The following CTNNA3 variants were observed in gnomAD, a reference collection of about 807,000 sequenced individuals.
The protein encoded by CTNNA3 is catenin alpha 3.
Under a neutral mutation model 95.7 loss-of-function variants are expected in CTNNA3, and 76 were observed. That is an observed-to-expected ratio of 0.79 (90% CI 0.66 to 0.96). The LOEUF (loss-of-function observed/expected upper bound fraction) is 0.96, where lower values mean the gene tolerates loss of function less well. Among genes scored for constraint, CTNNA3 ranks in the 40% least tolerant of loss-of-function variants. The pLI, the probability that CTNNA3 is intolerant of heterozygous loss-of-function variation, is 0.00. For missense variants in CTNNA3, 1,191 were observed against 1,089.8 expected, an observed-to-expected ratio of 1.09 and a Z score of -1.31; for synonymous variants, 431 against 374.4, an observed-to-expected ratio of 1.15 and a Z score of -1.74.
intron 17 of CTNNA3, among the ~76,000 whole-genome samples, chr10:65,945,575 T>C (rs553107721): frequency 6.6e-6 from 1 of 152,246 alleles, no homozygotes; most frequent in African/African-American, 2.4e-5. Flanking sequence ...TTTATAGAAA[T>C]AGACAGATTT....
chr10:66,851,548 G>C (rs974136987), intron 7 of CTNNA3, among the ~76,000 whole-genome samples: 1 of 151,758 alleles, frequency 6.6e-6, no homozygotes, highest in Non-Finnish European at 1.5e-5. Flanking sequence ...CATCCGCGTG[G>C]TGCTCTACTC....
intron 6 of CTNNA3, among the ~76,000 whole-genome samples, chr10:67,205,274 T>C (rs1863843747): frequency 1.3e-5 from 2 of 152,144 alleles, no homozygotes; most frequent in African/African-American, 2.4e-5. Context: ...TCATGTTTTA[T>C]TTTTTGCAAA....
chr10:66,232,159 T>C (rs1051983133), intron 13 of CTNNA3, among the ~76,000 whole-genome samples: 2 of 152,186 alleles, frequency 1.3e-5, no homozygotes, highest in African/African-American at 2.4e-5. Context: ...TCAGTCTAGT[T>C]CGACTTTGAG....
chr10:66,965,278 T>A (rs1849337948), intron 7 of CTNNA3, among the ~76,000 whole-genome samples: 1 of 152,136 alleles, frequency 6.6e-6, no homozygotes, highest in Non-Finnish European at 1.5e-5. Context: ...GGCTCATGCC[T>A]GTAATCTCAA....
intron 7 of CTNNA3, among the ~76,000 whole-genome samples, chr10:67,084,468 A>T (rs1004612552): frequency 2.6e-5 from 4 of 151,906 alleles, no homozygotes; most frequent in Non-Finnish European, 5.9e-5. Flanking sequence ...TATTAATTTA[A>T]ATATTGTTTA....
intron 7 of CTNNA3, among the ~76,000 whole-genome samples, chr10:66,846,944 A>G (rs1733987900): frequency 6.6e-6 from 1 of 152,176 alleles, no homozygotes; most frequent in Admixed American, 6.5e-5. Context: ...TCAGCTTTCA[A>G]AATCATGTTT....
intron 13 of CTNNA3, among the ~76,000 whole-genome samples, chr10:66,198,136 A>G (rs1406904260): frequency 6.6e-6 from 1 of 152,172 alleles, no homozygotes; most frequent in Non-Finnish European, 1.5e-5. Flanking sequence ...AAAGACAATT[A>G]AATTTCAGTT....
chr10:66,515,080 C>G (rs907943189), intron 11 of CTNNA3, among the ~76,000 whole-genome samples: 9 of 152,046 alleles, frequency 5.9e-5, no homozygotes, highest in Admixed American at 2.0e-4. Context: ...TATTTTACCA[C>G]ATGTGATCTT....
chr10:67,718,300 AATTT>A (rs1440392525), intron 1 of CTNNA3, among the ~76,000 whole-genome samples: 1 of 152,078 alleles, frequency 6.6e-6, no homozygotes, highest in East Asian at 1.9e-4. Flanking sequence ...ATTTGAATAC[AATTT>A]ATTTCTCCTC....
rs761663693 is a variant in CTNNA3, at chr10:65,940,678, A to AT, written c.2401-20062dup. ...AGGCCTTTATCCCGGCAGTGAAACAATTTTTTTTTCTGATTTAAAAAATTA... is the reference window on the plus strand; with the variant it reads ...AGGCCTTTATCCCGGCAGTGAAACAATTTTTTTTTTCTGATTTAAAAAATTA... On this transcript the variant is annotated intron_variant, in intron 17 of 17. Coordinates refer to ENST00000433211, the MANE Select transcript of CTNNA3 (RefSeq NM_013266.4). Among the ~76,000 whole-genome samples the AT allele has an allele frequency of 3.8e-3, 577 of 151,808 alleles. 4 individuals carry two copies. The highest frequency in any genetic ancestry group is 0.012 in the African/African-American group (489 of 41,422).
chr10:66,363,291 A>T (rs934990764), intron 12 of CTNNA3, among the ~76,000 whole-genome samples: 9 of 152,182 alleles, frequency 5.9e-5, no homozygotes, highest in African/African-American at 2.2e-4. Context: ...TGAAACCCTA[A>T]TCCCTAATGT....
intron 10 of CTNNA3, among the ~76,000 whole-genome samples, chr10:66,548,434 C>T (rs1432369514): frequency 6.6e-6 from 1 of 151,870 alleles, no homozygotes; most frequent in Non-Finnish European, 1.5e-5. Flanking sequence ...TGTTCTTTTT[C>T]TCATATTTCA....
chr10:67,225,095 G>T (rs1195513058), intron 5 of CTNNA3, among the ~76,000 whole-genome samples: 1 of 152,074 alleles, frequency 6.6e-6, no homozygotes, highest in Non-Finnish European at 1.5e-5. Context: ...GCCTGTGATG[G>T]CCAGCTTTCC....
rs191259921 is a variant in CTNNA3 at position 66,923,125 on chromosome 10, G to T, written c.1048-147601C>A. Among the ~76,000 whole-genome samples the T allele has an allele frequency of 2.6e-5, 4 of 151,770 alleles. No individual in the cohort carries two copies. In the South Asian group the frequency reaches 6.2e-4, roughly 24 times the overall value. ...TAAATATTAATCATAAGATCCAAAG[G>T]GTAGGTGTAAAGTCAGAACTATGCA... On this transcript the variant is annotated intron_variant, in intron 7 of 17. Transcript: ENST00000433211.
At chr10:67,283,238 G>T (rs1436196565) in intron 5 of CTNNA3, among the ~76,000 whole-genome samples, 1 of 152,286 alleles carries the variant, frequency 6.6e-6, no homozygotes, top group East Asian at 1.9e-4. Flanking sequence ...ATGGTAAGGT[G>T]GTTGTTATAC....
At chr10:66,216,990 A>G (rs1349712461) in intron 13 of CTNNA3, among the ~76,000 whole-genome samples, 1 of 152,130 alleles carries the variant, frequency 6.6e-6, no homozygotes. Context: ...ACTCTCCTCC[A>G]ACCATTTCTA....
chr10:67,232,943 T>C (rs1002880877), intron 5 of CTNNA3, among the ~76,000 whole-genome samples: 5 of 152,114 alleles, frequency 3.3e-5, no homozygotes, highest in African/African-American at 1.2e-4. Context: ...AAGGGATCAA[T>C]TCAACAAGAA....
intron 13 of CTNNA3, among the ~76,000 whole-genome samples, chr10:66,211,992 T>A (rs917207166): frequency 7.0e-5 from 10 of 143,398 alleles, no homozygotes; most frequent in Admixed American, 2.8e-4. Flanking sequence ...GGTTTTTTTT[T>A]TTTTTTTTTT....
chr10:67,145,298 T>A (rs896002389), intron 7 of CTNNA3, among the ~76,000 whole-genome samples: 10 of 152,146 alleles, frequency 6.6e-5, no homozygotes, highest in African/African-American at 2.2e-4. Flanking sequence ...GTACATGCTG[T>A]CAGAAAAATG....
Sources: allele counts gnomAD v4.1 joint callset (sites outside exome capture counted in the v4.1 genomes callset), GRCh38; gene constraint gnomAD v4.1.1; transcripts MANE v1.5; gene names NCBI Gene and HGNC (gene_info 2026-07-23, HGNC 2026-07-21).